Variants in ZNF516 observed in about 807,000 individuals in gnomAD.
ZNF516 encodes the protein zinc finger protein 516.
ZNF516 carries 19 observed loss-of-function variants against 79.7 expected under a neutral mutation model. The observed-to-expected ratio is 0.24, with a 90% CI of 0.17 to 0.35. The LOEUF is 0.35. ZNF516 is among the 10% of genes least tolerant of loss of function. The pLI, the probability that ZNF516 is intolerant of heterozygous loss-of-function variation, is 1.00. For synonymous variants in ZNF516, 877 were observed against 739.5 expected, an observed-to-expected ratio of 1.19 and a Z score of -3.02; for missense variants, 1,678 against 1,679.5, an observed-to-expected ratio of 1.00 and a Z score of 0.02.
intron 3 of ZNF516, among the ~76,000 whole-genome samples, chr18:76,427,065 A>G (rs1302208697): frequency 6.6e-5 from 10 of 152,226 alleles, no homozygotes; most frequent in Admixed American, 6.5e-4. Flanking sequence ...GGGTGGAGAC[A>G]AGAGCCTGAG....
intron 1 of ZNF516, among the ~76,000 whole-genome samples, chr18:76,472,305 G>A (rs991590359): frequency 1.3e-5 from 2 of 152,006 alleles, no homozygotes; most frequent in African/African-American, 4.8e-5. Context: ...ATCAGCTCTT[G>A]GCTACCACCC....
At chr18:76,482,028 T>G (rs1377183838) in intron 1 of ZNF516, among the ~76,000 whole-genome samples, 1 of 152,232 alleles carries the variant, frequency 6.6e-6, no homozygotes, top group South Asian at 2.1e-4. Context: ...GCACTGTCTA[T>G]GTAAGAATAT....
intron 3 of ZNF516, among the ~76,000 whole-genome samples, chr18:76,433,534 C>T (rs559896263): frequency 1.2e-4 from 18 of 152,314 alleles, no homozygotes; most frequent in Admixed American, 3.3e-4. Flanking sequence ...GGTGCCGTAC[C>T]GCGGCTGCAC....
At chr18:76,430,661 G>A (rs2145448984) in intron 3 of ZNF516, among the ~76,000 whole-genome samples, 1 of 152,308 alleles carries the variant, frequency 6.6e-6, no homozygotes, top group East Asian at 1.9e-4. Flanking sequence ...ATCATTTTAA[G>A]TGATACATTT....
intron 1 of ZNF516, among the ~76,000 whole-genome samples, chr18:76,480,243 G>C (rs1432921610): frequency 6.6e-6 from 1 of 151,080 alleles, no homozygotes; most frequent in Non-Finnish European, 1.5e-5. Context: ...TTGGATTTTG[G>C]ATATACTGGA....
upstream of ZNF516, chr18:76,496,188 A>T: frequency 8.8e-7 from 1 of 1,136,568 alleles, no homozygotes. Flanking sequence ...GGCGGGTCGG[A>T]GCTAGCGAGG....
intron 3 of ZNF516, among the ~76,000 whole-genome samples, chr18:76,401,542 G>A (rs1168614282): frequency 2.6e-5 from 4 of 151,998 alleles, no homozygotes; most frequent in African/African-American, 4.8e-5. Flanking sequence ...GCCTAAGTCC[G>A]TCCCTCTCCG....
intron 3 of ZNF516, among the ~76,000 whole-genome samples, chr18:76,423,316 G>T (rs1195558290): frequency 6.6e-6 from 1 of 152,218 alleles, no homozygotes; most frequent in Admixed American, 6.5e-5. Context: ...GCGTGTTCTC[G>T]TTAATAAGTC....
At chr18:76,387,272 A>T (rs1361023991) in intron 3 of ZNF516, 1 of 152,278 alleles carries the variant, frequency 6.6e-6, no homozygotes, top group Non-Finnish European at 1.5e-5. Context: ...ATGTCCATGC[A>T]CCACACCCAG....
At chr18:76,376,124 C>A (rs1702973533) in intron 4 of ZNF516, among the ~76,000 whole-genome samples, 1 of 152,198 alleles carries the variant, frequency 6.6e-6, no homozygotes, top group Non-Finnish European at 1.5e-5. Flanking sequence ...GAAGAGTTCT[C>A]AACTTGTTCT....
intron 1 of ZNF516, among the ~76,000 whole-genome samples, chr18:76,475,257 A>C (rs1263641759): frequency 3.3e-5 from 5 of 152,250 alleles, no homozygotes; most frequent in Non-Finnish European, 7.3e-5. Context: ...AAGAGAGATA[A>C]AATGAGCAAT....
intron 1 of ZNF516, among the ~76,000 whole-genome samples, chr18:76,491,267 C>A (rs1442591198): frequency 4.0e-5 from 4 of 100,118 alleles, no homozygotes; most frequent in South Asian, 3.2e-4. Context: ...ACCGGACCCG[C>A]CCCCCTCCCC....
intron 3 of ZNF516, among the ~76,000 whole-genome samples, chr18:76,403,680 T>A (rs2075261395): frequency 6.6e-6 from 1 of 152,156 alleles, no homozygotes; most frequent in Admixed American, 6.5e-5. Context: ...TGGAGGTAAT[T>A]CTTAAAGCTG....
At chr18:76,483,955 C>T (rs1428691551) in intron 1 of ZNF516, among the ~76,000 whole-genome samples, 1 of 152,190 alleles carries the variant, frequency 6.6e-6, no homozygotes, top group African/African-American at 2.4e-5. Context: ...CGTGGAAAGA[C>T]GCAAACATTT....
chr18:76,364,008 G>A (rs2074578831), intron 6 of ZNF516, among the ~76,000 whole-genome samples: 1 of 152,212 alleles, frequency 6.6e-6, no homozygotes, highest in South Asian at 2.1e-4. Flanking sequence ...TGGACCAGAA[G>A]TCACAGACTT....
intron 4 of ZNF516, among the ~76,000 whole-genome samples, chr18:76,378,512 G>A (rs755920917): frequency 1.3e-5 from 2 of 152,320 alleles, no homozygotes; most frequent in East Asian, 1.9e-4. Context: ...GTGCAATCAC[G>A]TCGGCCTGCT....
At chr18:76,492,901 T>A (rs1915318237) in intron 1 of ZNF516, 1 of 985,466 alleles carries the variant, frequency 1.0e-6, no homozygotes, top group Non-Finnish European at 1.2e-6. Context: ...CACACATCTG[T>A]GTAAATGCAG....
chr18:76,490,272 C>A (rs1484107566), intron 1 of ZNF516: 1 of 892,704 alleles, frequency 1.1e-6, no homozygotes, highest in Admixed American at 6.2e-5. Flanking sequence ...CGCAACTTCA[C>A]TCTCCAATTT....
At chr18:76,458,599 A>G (rs980332830) in intron 2 of ZNF516, among the ~76,000 whole-genome samples, 1 of 152,144 alleles carries the variant, frequency 6.6e-6, no homozygotes, top group Admixed American at 6.5e-5. Flanking sequence ...CGGGGCATGC[A>G]CTGTGGGCAA....
Sources: gnomAD v4.1 joint callset for allele counts (sites outside exome capture counted in the v4.1 genomes callset) on GRCh38, gnomAD v4.1.1 for gene constraint, MANE v1.5 for transcripts, NCBI Gene and HGNC (gene_info 2026-07-23, HGNC 2026-07-21) for gene names.